GLT1D1: variants seen among roughly 807,000 people sequenced by gnomAD.
GLT1D1 encodes the protein glycosyltransferase 1 domain containing 1.
In GLT1D1, 21 loss-of-function variants were observed where a neutral mutation model predicts 28.7. That is an observed-to-expected ratio of 0.73 (90% CI 0.52 to 1.05). The LOEUF (loss-of-function observed/expected upper bound fraction) is 1.05. GLT1D1 is among the 50% of genes least tolerant of loss of function. The pLI is 0.00. For missense variants in GLT1D1, 343 were observed against 330.6 expected (o/e 1.04, Z -0.29); for synonymous variants, 147 against 124.8 (o/e 1.18, Z -1.19).
intron 1 of GLT1D1, among the ~76,000 whole-genome samples, chr12:128,856,527 T>C (rs1956227460): frequency 6.6e-6 from 1 of 152,028 alleles, no homozygotes; most frequent in Admixed American, 6.6e-5. Flanking sequence ...GAGATGACAT[T>C]GAAGCTAAGA....
At chr12:128,914,910 C>A in intron 4 of GLT1D1, 23 bp from the exon 6 acceptor site, 1 of 1,532,696 alleles carries the variant, frequency 6.5e-7, no homozygotes, top group Non-Finnish European at 8.7e-7. Flanking sequence ...TGAACTTGCC[C>A]TTTTTTTGTT....
At chr12:128,971,979 C>T (rs990398210) in intron 7 of GLT1D1, among the ~76,000 whole-genome samples, 2 of 143,762 alleles carry the variant, frequency 1.4e-5, no homozygotes, top group Admixed American at 7.3e-5. Context: ...GCACTTTATA[C>T]GGGAGAATGG....
At chr12:128,914,847 A>T in intron 4 of GLT1D1, 86 bp from the exon 6 acceptor site, 2 of 898,792 alleles carry the variant, frequency 2.2e-6, no homozygotes, top group Non-Finnish European at 3.5e-6. Context: ...AGTAATAATA[A>T]TAATAAGCCT....
intron 4 of GLT1D1, among the ~76,000 whole-genome samples, chr12:128,922,928 A>T (rs1872796121): frequency 9.3e-6 from 1 of 107,834 alleles, no homozygotes; most frequent in South Asian, 3.8e-4. Context: ...ATCTCAAAAA[A>T]AAAAAAAAAA....
At chr12:128,886,274 C>T (rs2135823518) in intron 2 of GLT1D1, among the ~76,000 whole-genome samples, 1 of 152,278 alleles carries the variant, frequency 6.6e-6, no homozygotes, top group African/African-American at 2.4e-5. Context: ...TGGACTAATA[C>T]AGTCCCTTTG....
chr12:128,869,939 ATTT>A (rs35487977), intron 1 of GLT1D1, among the ~76,000 whole-genome samples: 28 of 125,230 alleles, frequency 2.2e-4, no homozygotes, highest in Middle Eastern at 3.7e-3. Context: ...TGTGTATTCT[ATTT>A]TTTTTTTTTT....
chr12:128,945,019 T>G (rs955040473), intron 4 of GLT1D1: 6 of 614,156 alleles, frequency 9.8e-6, no homozygotes, highest in African/African-American at 9.4e-5. Context: ...ATTGTTCAAT[T>G]CCCACCTATG....
chr12:128,866,805 G>T (rs1956538372), intron 1 of GLT1D1, among the ~76,000 whole-genome samples: 1 of 151,850 alleles, frequency 6.6e-6, no homozygotes, highest in South Asian at 2.1e-4. Flanking sequence ...ATTTTTAGTA[G>T]AGACAGGGTT....
At chr12:128,929,153 C>T (rs1227087538) in intron 4 of GLT1D1, among the ~76,000 whole-genome samples, 4 of 152,214 alleles carry the variant, frequency 2.6e-5, no homozygotes, top group African/African-American at 9.6e-5. Context: ...GCAGGCCTCG[C>T]AGACACCCAT....
intron 7 of GLT1D1, among the ~76,000 whole-genome samples, chr12:128,976,419 C>A (rs1339491546): frequency 1.3e-5 from 2 of 152,260 alleles, no homozygotes; most frequent in East Asian, 1.9e-4. Context: ...GCAAAGCCAC[C>A]GTCGAAGCCT....
rs184213512 is a variant in GLT1D1, at chr12:128,977,101, G to A, written c.640-5828G>A. Among the ~76,000 whole-genome samples the A allele has an allele frequency of 3.3e-3, 505 of 152,300 alleles. 4 individuals carry two copies. The highest frequency in any genetic ancestry group is 0.012 in the African/African-American group (480 of 41,576). Reference sequence around the variant, plus strand: ...GCAGAGGTTGCAGTGAGCCGAGATCGCGCCGCTGCACTCCAGCCTGGGCGA... The same window carrying A: ...GCAGAGGTTGCAGTGAGCCGAGATCACGCCGCTGCACTCCAGCCTGGGCGA... On this transcript the variant is annotated intron_variant, in intron 7 of 7. Transcript: ENST00000281703.
At chr12:128,906,823 G>T (rs570087548) in intron 4 of GLT1D1, 4 of 640,244 alleles carry the variant, frequency 6.2e-6, no homozygotes, top group South Asian at 4.9e-5. Flanking sequence ...ACTTCTTCAA[G>T]TTGCTGTGTT....
At chr12:128,880,238 A>C (rs1417719777) in intron 2 of GLT1D1, among the ~76,000 whole-genome samples, 1 of 152,234 alleles carries the variant, frequency 6.6e-6, no homozygotes, top group East Asian at 1.9e-4. Context: ...GCTTCAAATA[A>C]ACAAAGTCAT....
At chr12:128,930,804 G>GGAC in intron 4 of GLT1D1, among the ~76,000 whole-genome samples, 1 of 152,154 alleles carries the variant, frequency 6.6e-6, no homozygotes, top group East Asian at 1.9e-4. Flanking sequence ...CTAGAACAAA[G>GGAC]GACGCTGCCT....
At chr12:128,932,413 A>G (rs868694692) in intron 4 of GLT1D1, among the ~76,000 whole-genome samples, 30 of 152,292 alleles carry the variant, frequency 2.0e-4, no homozygotes, top group African/African-American at 6.7e-4. Context: ...TAATGAGAGG[A>G]AAGGGTAGCT....
At chr12:128,945,173 T>C (rs1875891244) in intron 4 of GLT1D1, 153 bp from the exon 9 acceptor site, 15 of 796,506 alleles carry the variant, frequency 1.9e-5, no homozygotes, top group South Asian at 1.8e-4. Context: ...GCCCCCATGA[T>C]CACCACACGC....
chr12:128,878,284 C>G (rs768887942), intron 2 of GLT1D1, among the ~76,000 whole-genome samples: 1 of 152,232 alleles, frequency 6.6e-6, no homozygotes, highest in Non-Finnish European at 1.5e-5. Flanking sequence ...CTTTTCACCG[C>G]TCAGCCACAC....
rs142600346 is a variant in GLT1D1 at position 128,883,007 on chromosome 12, C to T, written c.218-5632C>T. Among the ~76,000 whole-genome samples the T allele has an allele frequency of 2.1e-3, 313 of 151,160 alleles. 2 individuals carry two copies. In the East Asian group the frequency reaches 0.054, roughly 26 times the overall value. Reference sequence around the variant, plus strand: ...GTGGTGGGATCTCGGCTCACCGCAACCTCTGACTCCCCTGGTTCAAGCAAT... The same window carrying T: ...GTGGTGGGATCTCGGCTCACCGCAATCTCTGACTCCCCTGGTTCAAGCAAT... On this transcript the variant is annotated intron_variant, in intron 2 of 7. Coordinates refer to ENST00000281703, the MANE Select transcript of GLT1D1 (RefSeq NM_144669.3).
intron 4 of GLT1D1, among the ~76,000 whole-genome samples, chr12:128,918,143 A>G (rs1237325982): frequency 3.9e-5 from 6 of 152,218 alleles, no homozygotes; most frequent in South Asian, 2.1e-4. Context: ...AACGAACAAG[A>G]TCATGTCCTT....
Sources: allele counts gnomAD v4.1 joint callset (sites outside exome capture counted in the v4.1 genomes callset), GRCh38; gene constraint gnomAD v4.1.1; transcripts MANE v1.5; gene names NCBI Gene and HGNC (gene_info 2026-07-23, HGNC 2026-07-21).